The following GALNT17 variants were observed in gnomAD, a reference collection of about 807,000 sequenced individuals.
The protein encoded by GALNT17 is UDP-GalNAc:polypeptide N-acetylgalactosaminyltransferase-like 3.
A neutral mutation model predicts 63.7 loss-of-function variants in GALNT17; 29 were observed. That is an observed-to-expected ratio of 0.46 (90% CI 0.34 to 0.62). The LOEUF (loss-of-function observed/expected upper bound fraction) is 0.62. GALNT17 is among the 20% of genes least tolerant of loss of function. The pLI, the probability that GALNT17 is intolerant of heterozygous loss-of-function variation, is 0.01. For synonymous variants in GALNT17, 305 were observed against 318.3 expected (o/e 0.96, Z 0.45); for missense variants, 603 against 799.6 (o/e 0.75, Z 2.97).
At chr7:71,426,422 T>C (rs2116470984) in intron 5 of GALNT17, among the ~76,000 whole-genome samples, 1 of 152,344 alleles carries the variant, frequency 6.6e-6, no homozygotes, top group Admixed American at 6.5e-5. Flanking sequence ...CTGATTGTTC[T>C]CCAAGAGCAA....
chr7:71,565,840 CTTTTCT>C (rs1789333874), intron 5 of GALNT17, among the ~76,000 whole-genome samples: 1 of 137,122 alleles, frequency 7.3e-6, no homozygotes, highest in African/African-American at 2.9e-5. Context: ...TTTCTCTTCT[CTTTTCT>C]TTTTTTTTTT....
At chr7:71,702,646 C>T (rs747624737) in intron 9 of GALNT17, among the ~76,000 whole-genome samples, 1 of 152,088 alleles carries the variant, frequency 6.6e-6, no homozygotes, top group Non-Finnish European at 1.5e-5. Flanking sequence ...AGCAGTCACT[C>T]TGGATGGTGT....
intron 5 of GALNT17, among the ~76,000 whole-genome samples, chr7:71,557,047 C>G (rs1227130733): frequency 6.7e-6 from 1 of 149,998 alleles, no homozygotes; most frequent in East Asian, 1.9e-4. Flanking sequence ...CCACCAAACC[C>G]AGCTAATTTT....
At chr7:71,352,233 T>G (rs1792201894) in intron 2 of GALNT17, among the ~76,000 whole-genome samples, 1 of 152,218 alleles carries the variant, frequency 6.6e-6, no homozygotes, top group Non-Finnish European at 1.5e-5. Flanking sequence ...CGCTGCCATG[T>G]AAGCAGTGCC....
chr7:71,180,428 A>T (rs1336059541), intron 1 of GALNT17, among the ~76,000 whole-genome samples: 3 of 152,096 alleles, frequency 2.0e-5, no homozygotes, highest in Non-Finnish European at 4.4e-5. Context: ...CACCCAGCTA[A>T]TGAGTTTTTG....
chr7:71,324,247 TG>T (rs1379816271), intron 1 of GALNT17, among the ~76,000 whole-genome samples: 1 of 152,156 alleles, frequency 6.6e-6, no homozygotes, highest in African/African-American at 2.4e-5. Context: ...ACTCCGAAGA[TG>T]GTGTTAGGAG....
Position 71,137,928 on chromosome 7 carries a change from G to A in GALNT17, c.238+4888G>A, listed in dbSNP as rs138754061. Reference sequence around the variant, plus strand: ...CTCCCCCAAAACTTAACTGTTAATAGCCTGCTCTTGACCAGAAGGCTTACT... The same window carrying A: ...CTCCCCCAAAACTTAACTGTTAATAACCTGCTCTTGACCAGAAGGCTTACT... On this transcript the variant is annotated intron_variant, in intron 1 of 10. Transcript: ENST00000333538. 4.2e-4 allele frequency among the ~76,000 whole-genome samples: 64 copies of A among 152,298 alleles called. No individual in the cohort carries two copies. The East Asian group carries it at 0.011, about 26-fold the overall frequency.
intron 1 of GALNT17, among the ~76,000 whole-genome samples, chr7:71,320,633 T>A (rs1791589247): frequency 6.6e-6 from 1 of 152,186 alleles, no homozygotes; most frequent in Admixed American, 6.5e-5. Context: ...GAATTGGATG[T>A]GTATTTAAAA....
intron 2 of GALNT17, among the ~76,000 whole-genome samples, chr7:71,356,181 T>C (rs1478844065): frequency 1.3e-5 from 2 of 152,168 alleles, no homozygotes; most frequent in African/African-American, 2.4e-5. Context: ...TTTCGCCATG[T>C]TGGCCAGGCT....
chr7:71,658,019 C>G, intron 6 of GALNT17, among the ~76,000 whole-genome samples: 1 of 152,142 alleles, frequency 6.6e-6, no homozygotes, highest in East Asian at 1.9e-4. Context: ...ATCCTCCTGT[C>G]TCAGCCTCCT....
rs371372359 is a variant in GALNT17, at chr7:71,572,504, T to TAAAAAAAAAAAA, written c.1080+1117_1080+1128dup. On this transcript the variant is annotated intron_variant, in intron 6 of 10. Coordinates refer to ENST00000333538, the MANE Select transcript of GALNT17 (RefSeq NM_022479.3). ...GCAACAGAGCAAGACCCTGTCTCAT[T>TAAAAAAAAAAAA]AAAAAAAAAAAAAAAAAAAAAAAAA... 2.2e-4 allele frequency among the ~76,000 whole-genome samples: 10 copies of TAAAAAAAAAAAA among 44,494 alleles called. 2 individuals are homozygous for TAAAAAAAAAAAA. Among genetic ancestry groups the TAAAAAAAAAAAA allele is most frequent in the African/African-American group, 1.0e-3 (10 of 9,602 alleles). 29.2% of individuals were successfully genotyped at this position (44,494 alleles called of 152,430 possible).
At chr7:71,369,811 CAAAAAAAAAAAAAAAA>C (rs763387719) in intron 2 of GALNT17, among the ~76,000 whole-genome samples, 2 of 72,136 alleles carry the variant, frequency 2.8e-5, no homozygotes, top group Non-Finnish European at 5.9e-5. Context: ...GGCTTTTTGT[CAAAAAAAAAAAAAAAA>C]AAAAAAAAAA....
At position 71,184,938 on chromosome 7, in the gene GALNT17, CACTTCCTTCCTTCCTTCCTT is replaced by C. The variant is rs1444875776; in HGVS notation, c.238+51899_238+51918del. On this transcript the variant is annotated intron_variant, in intron 1 of 10. Coordinates refer to ENST00000333538, the MANE Select transcript of GALNT17 (RefSeq NM_022479.3). ...ACCCACCCTCCCTCCCTCCCTTCCT[CACTTCCTTCCTTCCTTCCTT>C]CCTTCCTTCCTTCCTTCCTTCCTTC... Among the ~76,000 whole-genome samples the C allele has an allele frequency of 3.8e-4, 29 of 76,564 alleles. 2 individuals are homozygous for C. Among genetic ancestry groups the C allele is most frequent in the African/African-American group, 1.7e-3 (28 of 16,090 alleles). The allele number at this position is 76,564 out of a possible 152,430, so 50.2% of individuals were successfully genotyped here. A position where few individuals can be genotyped will look rare whatever the true frequency, so the allele number is the denominator to read the frequency against.
At chr7:71,425,751 G>T (rs1204650180) in intron 5 of GALNT17, among the ~76,000 whole-genome samples, 1 of 151,926 alleles carries the variant, frequency 6.6e-6, no homozygotes, top group Non-Finnish European at 1.5e-5. Flanking sequence ...CCGGCAGTGG[G>T]CACCTGTGGT....
At chr7:71,363,644 T>C (rs1253871460) in intron 2 of GALNT17, among the ~76,000 whole-genome samples, 6 of 152,238 alleles carry the variant, frequency 3.9e-5, no homozygotes, top group Non-Finnish European at 8.8e-5. Context: ...TAAGTAACTT[T>C]CGTATAGCTG....
At position 71,571,439 on chromosome 7, in the gene GALNT17, A is replaced by G. The variant is rs367795460; in HGVS notation, c.1080+37A>G. 77 of 1,564,866 alleles carry G rather than the reference A, an allele frequency of 4.9e-5. No homozygotes were observed. The South Asian group carries it at 6.1e-4, about 12-fold the overall frequency. On this transcript the variant is annotated intron_variant, in intron 6 of 10. Coordinates refer to ENST00000333538, the MANE Select transcript of GALNT17 (RefSeq NM_022479.3). ...GGTGTCCCTTCCTCTTGGTGTGCCC[A>G]TGTTTGTGAGCAGAGCGTCTTGGTC...
chr7:71,271,585 G>A (rs903154867), intron 1 of GALNT17, among the ~76,000 whole-genome samples: 2 of 152,220 alleles, frequency 1.3e-5, no homozygotes, highest in Non-Finnish European at 2.9e-5. Flanking sequence ...TTTATTAAAG[G>A]ATAATTTACA....
intron 6 of GALNT17, among the ~76,000 whole-genome samples, chr7:71,660,211 C>T (rs139629853): frequency 3.9e-4 from 60 of 152,250 alleles, no homozygotes; most frequent in Non-Finnish European, 6.6e-4. Context: ...AGGCCCATAT[C>T]CATTTAAGCA....
At chr7:71,537,938 C>A (rs1204099859) in intron 5 of GALNT17, among the ~76,000 whole-genome samples, 4 of 152,122 alleles carry the variant, frequency 2.6e-5, no homozygotes, top group Admixed American at 2.6e-4. Context: ...CCTGTGGCCA[C>A]CAGAGACTAC....
Sources: allele counts gnomAD v4.1 joint callset (sites outside exome capture counted in the v4.1 genomes callset), GRCh38; gene constraint gnomAD v4.1.1; transcripts MANE v1.5; gene names NCBI Gene and HGNC (gene_info 2026-07-23, HGNC 2026-07-21).